LGR6: variants seen among roughly 807,000 people sequenced by gnomAD.
LGR6 encodes the protein leucine rich repeat containing G protein-coupled receptor 6.
Under a neutral mutation model 69.4 loss-of-function variants are expected in LGR6, and 45 were observed. The observed-to-expected ratio is 0.65, with a 90% CI of 0.51 to 0.83. LGR6 has a LOEUF of 0.83. LGR6 is among the 40% of genes least tolerant of loss of function. LGR6 has a pLI of 0.00. For missense variants in LGR6, 1,108 were observed against 1,246.7 expected, an observed-to-expected ratio of 0.89 and a Z score of 1.68; for synonymous variants, 538 against 555.0, an observed-to-expected ratio of 0.97 and a Z score of 0.43.
chr1:202,251,036 C>T (rs1342141040), intron 4 of LGR6, among the ~76,000 whole-genome samples: 1 of 152,114 alleles, frequency 6.6e-6, no homozygotes, highest in Admixed American at 6.5e-5. Flanking sequence ...TGTCGTGTTT[C>T]GGGGAGGTGG....
intron 4 of LGR6, among the ~76,000 whole-genome samples, chr1:202,249,264 C>A (rs547526514): frequency 4.6e-5 from 7 of 152,306 alleles, no homozygotes; most frequent in Non-Finnish European, 1.0e-4. Context: ...GTTGCCTCCT[C>A]TTTCCTTAAA....
chr1:202,294,189 G>T (rs1344918040), intron 6 of LGR6, among the ~76,000 whole-genome samples: 1 of 152,178 alleles, frequency 6.6e-6, no homozygotes, highest in Non-Finnish European at 1.5e-5. Context: ...TATTTGTTGA[G>T]CTCCTGCTAT....
chr1:202,285,240 C>T (rs1358674600), intron 6 of LGR6, among the ~76,000 whole-genome samples: 2 of 152,120 alleles, frequency 1.3e-5, no homozygotes, highest in Non-Finnish European at 2.9e-5. Flanking sequence ...CCATTAATGC[C>T]AACAGGAAAC....
chr1:202,204,595 CACACACACCTCCAA>C (rs1558003827), intron 1 of LGR6, among the ~76,000 whole-genome samples: 2 of 138,332 alleles, frequency 1.4e-5, no homozygotes, highest in Non-Finnish European at 3.1e-5. Flanking sequence ...CTCCTTCAAA[CACACACACCTCCAA>C]ACACACACCT....
rs546447981 is a variant in LGR6 at position 202,280,827 on chromosome 1, G to A, written c.691G>A (p.Glu231Lys). Residue 231 changes from glutamate (E) to lysine (K), a missense_variant, in exon 6 of 18, where the codon GAG becomes AAG. Physicochemically the swap from Glu to Lys is moderately conservative, Grantham distance 56. Coordinates refer to ENST00000367278, the MANE Select transcript of LGR6 (RefSeq NM_001017403.2). ...RIQHLGTHSF[E>K]GLHNLETLDL... Reference sequence around the variant, plus strand: ...CCAGCATCTGGGGACCCACAGCTTCGAGGGGCTGCACAATCTGGAGACACT... The same window carrying A: ...CCAGCATCTGGGGACCCACAGCTTCAAGGGGCTGCACAATCTGGAGACACT... 21 of 1,614,020 alleles carry A rather than the reference G, an allele frequency of 1.3e-5. No homozygotes were observed. The highest frequency in any genetic ancestry group is 8.8e-5 in the South Asian group (8 of 91,054).
In LGR6 at chr1:202,194,096, C is replaced by G. The variant is rs772335116; in HGVS notation, c.107C>G (p.Pro36Arg). 6.5e-7 allele frequency: 1 copy of G among 1,535,828 alleles called. No homozygotes were observed. The highest frequency in any genetic ancestry group is 1.9e-5 in the Admixed American group (1 of 51,818). ...PQPGPGPTAC[P>R]APCHCQEDGI... The stretch of plus-strand genomic sequence containing the variant: ...CCCGGCCCGGGGCCCACCGCCTGCC[C>G]GGCCCCCTGCCACTGCCAGGAGGAC... The change falls in exon 1 of 18, where the codon CCG (proline) becomes CGG (arginine). Residue 36 changes from proline to arginine, a missense_variant. Pro to Arg is a moderately radical substitution (Grantham distance 103). Coordinates refer to ENST00000367278, the MANE Select transcript of LGR6 (RefSeq NM_001017403.2).
At position 202,276,350 on chromosome 1, in the gene LGR6, T is replaced by C; in HGVS notation, c.473T>C (p.Phe158Ser). Residue 158 changes from phenylalanine (F) to serine (S), a missense_variant, in exon 5 of 18, where the codon TTT becomes TCT. Coordinates refer to ENST00000367278, the MANE Select transcript of LGR6 (RefSeq NM_001017403.2). ...NLISLVPERS[F>S]EGLSSLRHLW... ...ATCTCCCTGGTCCCGGAGAGGAGCTTTGAGGGGCTGTCCTCCCTCCGCCAC... is the reference window on the plus strand; with the variant it reads ...ATCTCCCTGGTCCCGGAGAGGAGCTCTGAGGGGCTGTCCTCCCTCCGCCAC... 6.2e-7 allele frequency: 1 copy of C among 1,614,170 alleles called. No homozygotes were observed. The highest frequency in any genetic ancestry group is 8.5e-7 in the Non-Finnish European group (1 of 1,180,024).
At chr1:202,205,520 CCTT>C (rs748423660) in intron 1 of LGR6, among the ~76,000 whole-genome samples, 4 of 131,884 alleles carry the variant, frequency 3.0e-5, no homozygotes, top group East Asian at 2.5e-4. Context: ...CACACACCCT[CCTT>C]CAAGCACACA....
chr1:202,285,214 G>C (rs1666309491), intron 6 of LGR6, among the ~76,000 whole-genome samples: 1 of 152,192 alleles, frequency 6.6e-6, no homozygotes, highest in African/African-American at 2.4e-5. Context: ...GTTCCTCTCT[G>C]TGTGTGTCTT....
At chr1:202,248,171 C>T (rs1345876800) in intron 4 of LGR6, among the ~76,000 whole-genome samples, 1 of 152,226 alleles carries the variant, frequency 6.6e-6, no homozygotes, top group Non-Finnish European at 1.5e-5. Context: ...AGGCTGCCCT[C>T]CTAAGACCAC....
intron 1 of LGR6, among the ~76,000 whole-genome samples, chr1:202,204,360 A>ACACACACACACCTC (rs1334079734): frequency 2.8e-5 from 3 of 106,352 alleles, no homozygotes; most frequent in African/African-American, 1.1e-4. Context: ...ACACACCTCC[A>ACACACACACACCTC]CACACACACA....
intron 1 of LGR6, among the ~76,000 whole-genome samples, chr1:202,220,713 A>C (rs974381886): frequency 9.4e-5 from 8 of 84,688 alleles, no homozygotes; most frequent in Non-Finnish European, 2.4e-4. Flanking sequence ...GATCATATGC[A>C]AAATACTGTG....
chr1:202,306,167 A>G (rs971678893), intron 12 of LGR6, among the ~76,000 whole-genome samples: 2 of 152,222 alleles, frequency 1.3e-5, no homozygotes, highest in Non-Finnish European at 2.9e-5. Flanking sequence ...ACGCACATGC[A>G]TATGTGTGTA....
At chr1:202,250,836 A>G (rs1350882391) in intron 4 of LGR6, among the ~76,000 whole-genome samples, 7 of 152,164 alleles carry the variant, frequency 4.6e-5, no homozygotes, top group Admixed American at 4.6e-4. Context: ...AGGTTAAGTA[A>G]TTTGCTCAGT....
chr1:202,241,007 A>G (rs1171687027), intron 4 of LGR6, among the ~76,000 whole-genome samples: 3 of 152,230 alleles, frequency 2.0e-5, no homozygotes, highest in African/African-American at 7.2e-5. Context: ...AAATAGGGGC[A>G]GACAAGTTCA....
At chr1:202,245,838 C>T (rs947350467) in intron 4 of LGR6, among the ~76,000 whole-genome samples, 3 of 152,086 alleles carry the variant, frequency 2.0e-5, no homozygotes, top group African/African-American at 7.2e-5. Context: ...CAGTGCAGAG[C>T]CCTGGCCTGA....
intron 4 of LGR6, among the ~76,000 whole-genome samples, chr1:202,246,535 T>A (rs1389623752): frequency 6.7e-6 from 1 of 150,252 alleles, no homozygotes; most frequent in Non-Finnish European, 1.5e-5. Context: ...GATACTGAGA[T>A]AAATAATAAA....
chr1:202,288,474 C>G (rs1057260836), intron 6 of LGR6, among the ~76,000 whole-genome samples: 1 of 152,204 alleles, frequency 6.6e-6, no homozygotes, highest in Non-Finnish European at 1.5e-5. Context: ...AATATTTCAA[C>G]AAATAGATTT....
chr1:202,245,843 G>A (rs1662615754), intron 4 of LGR6, among the ~76,000 whole-genome samples: 1 of 152,072 alleles, frequency 6.6e-6, no homozygotes, highest in Non-Finnish European at 1.5e-5. Flanking sequence ...CAGAGCCCTG[G>A]CCTGAGTTCT....
Sources: gnomAD v4.1 joint callset for allele counts (sites outside exome capture counted in the v4.1 genomes callset) on GRCh38, gnomAD v4.1.1 for gene constraint, MANE v1.5 for transcripts, NCBI Gene and HGNC (gene_info 2026-07-23, HGNC 2026-07-21) for gene names.